Variants in ADGRL2 observed in about 807,000 individuals in gnomAD.
The protein encoded by ADGRL2 is calcium-independent alpha-latrotoxin receptor 2.
Under a neutral mutation model 157.4 loss-of-function variants are expected in ADGRL2, and 44 were observed. That is an observed-to-expected ratio of 0.28 (90% CI 0.22 to 0.36). ADGRL2 has a LOEUF of 0.36. ADGRL2 is among the 10% of genes least tolerant of loss of function. The pLI is 1.00. For missense variants in ADGRL2, 1,510 were observed against 1,768.9 expected (o/e 0.85, Z 2.63); for synonymous variants, 585 against 624.7 (o/e 0.94, Z 0.95).
chr1:81,383,072 A>G (rs2076370920), intron 1 of ADGRL2, among the ~76,000 whole-genome samples: 3 of 152,150 alleles, frequency 2.0e-5, no homozygotes, highest in Admixed American at 2.0e-4. Flanking sequence ...CAAGTTAGCA[A>G]GTTTGCACTA....
chr1:81,386,031 C>G (rs1030570216), intron 1 of ADGRL2, among the ~76,000 whole-genome samples: 1 of 152,066 alleles, frequency 6.6e-6, no homozygotes, highest in African/African-American at 2.4e-5. Flanking sequence ...ATGGCTTCAG[C>G]GCAATCCTCA....
intron 2 of ADGRL2, among the ~76,000 whole-genome samples, chr1:81,519,708 C>T (rs1320845468): frequency 6.6e-6 from 1 of 152,158 alleles, no homozygotes; most frequent in Non-Finnish European, 1.5e-5. Flanking sequence ...ATTACTGTCA[C>T]CCCATTACAC....
intron 1 of ADGRL2, among the ~76,000 whole-genome samples, chr1:81,352,941 T>G (rs1285355552): frequency 1.3e-5 from 2 of 152,084 alleles, no homozygotes. Flanking sequence ...ACAAAACAAT[T>G]TTTTTTAAAT....
chr1:81,838,084 T>C (rs1461507959), intron 2 of ADGRL2, among the ~76,000 whole-genome samples: 1 of 151,978 alleles, frequency 6.6e-6, no homozygotes, highest in Admixed American at 6.6e-5. Context: ...ATTAAAATGA[T>C]AGGTGGAGAA....
At chr1:81,797,083 G>C (rs923326059), upstream of ADGRL2, among the ~76,000 whole-genome samples, 2 of 152,162 alleles carry the variant, frequency 1.3e-5, no homozygotes, top group African/African-American at 4.8e-5. Context: ...ATATTGCTCT[G>C]ATCTGCTCTA....
chr1:81,924,311 C>A (rs1572153109), intron 3 of ADGRL2, among the ~76,000 whole-genome samples: 1 of 152,274 alleles, frequency 6.6e-6, no homozygotes, highest in East Asian at 1.9e-4. Flanking sequence ...TCAAATGGAT[C>A]TTCTTATTAA....
At chr1:81,925,881 GA>G (rs942463617) in intron 3 of ADGRL2, among the ~76,000 whole-genome samples, 1 of 151,662 alleles carries the variant, frequency 6.6e-6, no homozygotes, top group African/African-American at 2.4e-5. Flanking sequence ...TCAGGAGTCA[GA>G]AAAAAAATCT....
chr1:81,910,247 T>TAATA (rs1553187028), intron 3 of ADGRL2, among the ~76,000 whole-genome samples: 1 of 103,120 alleles, frequency 9.7e-6, no homozygotes, highest in Non-Finnish European at 2.4e-5. Context: ...TAAAAAACAA[T>TAATA]AATAATAATA....
chr1:81,748,339 C>T (rs542654470), intron 1 of ADGRL2, among the ~76,000 whole-genome samples: 39 of 151,418 alleles, frequency 2.6e-4, no homozygotes, highest in African/African-American at 8.0e-4. Flanking sequence ...TAGCTGGGCA[C>T]GCGCCTATAA....
At chr1:81,780,863 C>CCA (rs1352184812) in intron 2 of ADGRL2, among the ~76,000 whole-genome samples, 1 of 152,056 alleles carries the variant, frequency 6.6e-6, no homozygotes, top group African/African-American at 2.4e-5. Flanking sequence ...TATGTCCCCC[C>CCA]ACAGAATAAA....
chr1:81,769,874 C>A (rs561395111), intron 2 of ADGRL2, among the ~76,000 whole-genome samples: 2,741 of 146,526 alleles, frequency 0.019, 77 homozygotes, highest in African/African-American at 0.065. Context: ...TTTTTTTTTT[C>A]TTTTTTTGAG....
At chr1:81,894,755 TG>T (rs1474884723) in intron 2 of ADGRL2, among the ~76,000 whole-genome samples, 1 of 151,848 alleles carries the variant, frequency 6.6e-6, no homozygotes, top group African/African-American at 2.4e-5. Flanking sequence ...TGTTGGAAAA[TG>T]CCTTGTTACT....
At chr1:81,335,049 C>T (rs1268925974) in intron 1 of ADGRL2, among the ~76,000 whole-genome samples, 1 of 152,120 alleles carries the variant, frequency 6.6e-6, no homozygotes, top group African/African-American at 2.4e-5. Flanking sequence ...TCACAAATTC[C>T]TCCTTTTAAT....
intron 1 of ADGRL2, among the ~76,000 whole-genome samples, chr1:81,728,607 C>A (rs1276854108): frequency 6.6e-6 from 1 of 152,032 alleles, no homozygotes; most frequent in African/African-American, 2.4e-5. Flanking sequence ...GCAAATAAAC[C>A]AACATTGGGA....
At chr1:81,809,811 T>G (rs991172879) in intron 1 of ADGRL2, among the ~76,000 whole-genome samples, 1 of 152,062 alleles carries the variant, frequency 6.6e-6, no homozygotes, top group African/African-American at 2.4e-5. Flanking sequence ...AAAATATGTA[T>G]GATTAAGATA....
chr1:81,805,166 G>T (rs949585209), intron 1 of ADGRL2, among the ~76,000 whole-genome samples: 2 of 151,792 alleles, frequency 1.3e-5, no homozygotes, highest in African/African-American at 2.4e-5. Flanking sequence ...GCTTTTTTAT[G>T]TTTACAGAGA....
chr1:81,916,579 G>A (rs2094860837), intron 3 of ADGRL2, among the ~76,000 whole-genome samples: 1 of 151,956 alleles, frequency 6.6e-6, no homozygotes, highest in South Asian at 2.1e-4. Flanking sequence ...AACAAGTTGT[G>A]AAGTGTAATG....
At chr1:81,673,403 A>T (rs1007911513) in intron 3 of ADGRL2, among the ~76,000 whole-genome samples, 1 of 152,118 alleles carries the variant, frequency 6.6e-6, no homozygotes, top group Non-Finnish European at 1.5e-5. Flanking sequence ...CTATGGTCTA[A>T]CAATAGAATT....
chr1:81,422,901 C>T (rs1171091248), intron 1 of ADGRL2, among the ~76,000 whole-genome samples: 1 of 152,160 alleles, frequency 6.6e-6, no homozygotes, highest in Non-Finnish European at 1.5e-5. Flanking sequence ...TATTTCAAAT[C>T]TATGCTGTGT....
Sources: allele counts gnomAD v4.1 joint callset (sites outside exome capture counted in the v4.1 genomes callset), GRCh38; gene constraint gnomAD v4.1.1; transcripts MANE v1.5; gene names NCBI Gene and HGNC (gene_info 2026-07-23, HGNC 2026-07-21).